NGLY1: variants seen among roughly 807,000 people sequenced by gnomAD.
The protein encoded by NGLY1 is N-glycanase 1, also known as peptide-N(4)-(N-acetyl-beta-glucosaminyl)asparagine amidase.
NGLY1 carries 68 observed loss-of-function variants against 84.6 expected under a neutral mutation model. The ratio of observed to expected loss-of-function variants is 0.80; its 90% confidence interval spans 0.66 to 0.98. The LOEUF is 0.98. Among genes scored for constraint, NGLY1 ranks in the 50% least tolerant of loss-of-function variants. The probability of loss-of-function intolerance (pLI) is 0.00; values close to 1 mark genes in which losing one functional copy is unlikely to be tolerated. For synonymous variants in NGLY1, 280 were observed against 275.2 expected (o/e 1.02, Z -0.17); for missense variants, 779 against 770.2 (o/e 1.01, Z -0.14).
At chr3:25,726,525 A>G (rs1297042657) in intron 10 of NGLY1, among the ~76,000 whole-genome samples, 2 of 152,204 alleles carry the variant, frequency 1.3e-5, no homozygotes, top group Admixed American at 1.3e-4. Flanking sequence ...GGTAAGGTTA[A>G]GAATAAATTA....
intron 5 of NGLY1, 62 bp from the exon 6 acceptor site, chr3:25,737,517 T>G: frequency 7.3e-7 from 1 of 1,365,458 alleles, no homozygotes; most frequent in South Asian, 1.3e-5. Context: ...GAATTTACAT[T>G]ACCTCTATGC....
chr3:25,775,571 A>T (rs1708118620), intron 2 of NGLY1, among the ~76,000 whole-genome samples: 1 of 152,230 alleles, frequency 6.6e-6, no homozygotes, highest in South Asian at 2.1e-4. Flanking sequence ...TCTCACTCAT[A>T]TGTGGGAGCT....
chr3:25,722,274 C>CATATATATATATAT (rs1553650650), intron 10 of NGLY1, among the ~76,000 whole-genome samples: 1 of 148,558 alleles, frequency 6.7e-6, no homozygotes, highest in South Asian at 2.1e-4. Context: ...TGTATACACA[C>CATATATATATATAT]ATATATATAT....
intron 3 of NGLY1, among the ~76,000 whole-genome samples, chr3:25,759,937 C>T (rs1029511571): frequency 1.3e-5 from 2 of 151,562 alleles, no homozygotes; most frequent in African/African-American, 2.4e-5. Context: ...CACACACACA[C>T]ACACACAACA....
At chr3:25,784,292 T>A (rs1455480548), upstream of NGLY1, 4 of 152,218 alleles carry the variant, frequency 2.6e-5, no homozygotes, top group African/African-American at 9.7e-5. Flanking sequence ...GGGTTGTGGA[T>A]TCGGTTTACC....
intron 8 of NGLY1, among the ~76,000 whole-genome samples, chr3:25,733,466 C>CGTGTGTGTGT (rs60529800): frequency 2.0e-4 from 27 of 134,208 alleles, no homozygotes; most frequent in African/African-American, 5.8e-4. Context: ...CTCACATGGA[C>CGTGTGTGTGT]GTGTGTGTGT....
chr3:25,777,104 A>G (rs1274038407), intron 2 of NGLY1, among the ~76,000 whole-genome samples: 1 of 152,210 alleles, frequency 6.6e-6, no homozygotes, highest in Non-Finnish European at 1.5e-5. Context: ...TCCCTACTTA[A>G]AACTTTCCAG....
intron 6 of NGLY1, 139 bp from the exon 7 acceptor site, chr3:25,736,288 G>T: frequency 6.5e-7 from 1 of 1,549,984 alleles, no homozygotes; most frequent in Non-Finnish European, 8.7e-7. Context: ...GCATTTTGTG[G>T]CACACAGGAT....
rs1015488199 is a variant in NGLY1 at position 25,764,028 on chromosome 3, G to C, written c.492+38C>G. On this transcript the variant is annotated intron_variant, in intron 3 of 11. Coordinates refer to ENST00000280700, the MANE Select transcript of NGLY1 (RefSeq NM_018297.4). The stretch of plus-strand genomic sequence containing the variant: ...AAAGCTTTTGCTGTTTCAACACTTT[G>C]AAAGAAACAGTTAAAGAAGGTTTAA... The C allele has an allele frequency of 4.4e-6, 7 of 1,605,562 alleles. No individual in the cohort carries two copies. The African/African-American group carries it at 8.0e-5, about 18-fold the overall frequency.
intron 3 of NGLY1, among the ~76,000 whole-genome samples, chr3:25,762,844 C>T (rs1318660103): frequency 1.3e-5 from 2 of 152,128 alleles, no homozygotes; most frequent in Non-Finnish European, 1.5e-5. Flanking sequence ...ATCCCAGCTA[C>T]TCGGGAGGCG....
intron 4 of NGLY1, among the ~76,000 whole-genome samples, chr3:25,741,729 G>A (rs1026067711): frequency 1.3e-5 from 2 of 152,064 alleles, no homozygotes; most frequent in South Asian, 4.1e-4. Flanking sequence ...GGTGGCTCAC[G>A]CCTATAATCC....
intron 5 of NGLY1, 22 bp from the exon 6 acceptor site, chr3:25,737,477 C>T: frequency 6.5e-7 from 1 of 1,530,794 alleles, no homozygotes; most frequent in Non-Finnish European, 8.9e-7. Flanking sequence ...AGAAAAAAAA[C>T]CTTAATTATC....
In NGLY1 at chr3:25,720,022, A is replaced by G. The variant is rs760957238; in HGVS notation, c.1781T>C (p.Leu594Pro). Residue 594 changes from leucine to proline, a missense_variant, in exon 11 of 12, where the codon CTG becomes CCG. Leu to Pro is a moderately conservative substitution (Grantham distance 98). Transcript: ENST00000280700. ...KLRSDTAQVE[L>P]TGDNSLHSYA... ...TCCAGGCAAATGCTTACCGCCTGTCAGTTCTACTTGTGCTGTATCAGATCG... is the reference window on the plus strand; with the variant it reads ...TCCAGGCAAATGCTTACCGCCTGTCGGTTCTACTTGTGCTGTATCAGATCG... 6 of 1,609,996 alleles carry G rather than the reference A, an allele frequency of 3.7e-6. No homozygotes were observed. The Admixed American group carries it at 1.0e-4, about 27-fold the overall frequency.
chr3:25,737,860 A>G, intron 5 of NGLY1, among the ~76,000 whole-genome samples: 1 of 152,300 alleles, frequency 6.6e-6, no homozygotes, highest in Middle Eastern at 3.4e-3. Flanking sequence ...TTGTTTTTAA[A>G]TATTTATTTA....
At chr3:25,749,615 G>C (rs561102079) in intron 4 of NGLY1, 1 of 1,459,300 alleles carries the variant, frequency 6.9e-7, no homozygotes, top group Admixed American at 1.7e-5. Context: ...AGGTATTGAC[G>C]ACAGGGTTCA....
At position 25,739,716 on chromosome 3, in the gene NGLY1, CGTT is replaced by C. The variant is rs1706031743; in HGVS notation, c.739_741del (p.Asn247del). 6.2e-7 allele frequency: 1 copy of C among 1,613,926 alleles called. No individual in the cohort carries two copies. Among genetic ancestry groups the C allele is most frequent in the South Asian group, 1.1e-5 (1 of 91,090 alleles). On this transcript the variant is annotated inframe_deletion, in exon 5 of 12. Transcript: ENST00000280700. ...TGTCCACCACATTTGCTGCACAAAACGTTATTCACCCAGTGAAAAAATTCTTCC... is the reference window on the plus strand; with the variant it reads ...TGTCCACCACATTTGCTGCACAAAACATTCACCCAGTGAAAAAATTCTTCC...
chr3:25,719,611 T>C lies in NGLY1; in HGVS notation c.1814A>G (p.Asp605Gly). ...TGDNSLHSYA[D>G]FSGATEVILE... Reference sequence around the variant, plus strand: ...AATAACTTCAGTGGCACCAGAAAAATCAGCATAGGAGTGAAGACTGTTATC... The same window carrying C: ...AATAACTTCAGTGGCACCAGAAAAACCAGCATAGGAGTGAAGACTGTTATC... The change falls in exon 12 of 12, where the codon GAT (aspartate) becomes GGT (glycine). Residue 605 changes from aspartate (D) to glycine (G), a missense_variant. By Grantham distance (94) the Asp-to-Gly change is moderately conservative (BLOSUM62 -1). Coordinates refer to ENST00000280700, the MANE Select transcript of NGLY1 (RefSeq NM_018297.4). 1 of 1,613,490 alleles carries C rather than the reference T, an allele frequency of 6.2e-7. No homozygotes were observed. Among genetic ancestry groups the C allele is most frequent in the Non-Finnish European group, 8.5e-7 (1 of 1,179,718 alleles).
chr3:25,766,457 C>T (rs1316420450), intron 2 of NGLY1, among the ~76,000 whole-genome samples: 1 of 152,162 alleles, frequency 6.6e-6, no homozygotes, highest in Non-Finnish European at 1.5e-5. Flanking sequence ...ACTCCATGAC[C>T]TTAATCGTTA....
chr3:25,780,498 T>C (rs1488993), intron 1 of NGLY1, among the ~76,000 whole-genome samples: 124,055 of 152,174 alleles, frequency 0.82, 50,978 homozygotes, highest in East Asian at 0.94. Flanking sequence ...TTTTAATCTA[T>C]TCTTTTCCTC....
Sources: allele counts gnomAD v4.1 joint callset (sites outside exome capture counted in the v4.1 genomes callset), GRCh38; gene constraint gnomAD v4.1.1; transcripts MANE v1.5; gene names NCBI Gene and HGNC (gene_info 2026-07-23, HGNC 2026-07-21).